Variants in LRRC27 observed in about 807,000 individuals in gnomAD.
LRRC27 encodes the protein leucine rich repeat containing 27, also known as leucine-rich repeat-containing protein 27.
In LRRC27, 57 loss-of-function variants were observed where a neutral mutation model predicts 55.0. The observed-to-expected ratio is 1.04, with a 90% CI of 0.84 to 1.29. The LOEUF (loss-of-function observed/expected upper bound fraction) is 1.29, where lower values mean the gene tolerates loss of function less well. Ranked by LOEUF, LRRC27 falls within the 50% of genes most tolerant of loss-of-function variation. The pLI is 0.00. For synonymous variants in LRRC27, 278 were observed against 251.9 expected (o/e 1.10, Z -0.98); for missense variants, 721 against 651.5 (o/e 1.11, Z -1.16).
In LRRC27 at chr10:132,375,121, A is replaced by C; in HGVS notation, c.1472A>C (p.Lys491Thr). The change falls in exon 11 of 11, where the codon AAA becomes ACA. Residue 491 changes from lysine to threonine, a missense_variant. Physicochemically the swap from Lys to Thr is moderately conservative, Grantham distance 78. Coordinates refer to ENST00000368614, the MANE Select transcript of LRRC27 (RefSeq NM_030626.3). ...CTAAAATTGGGATTAACCTTGAACAAAGATCGTCGACGGGCGGCCCTCACT... is the reference window on the plus strand; with the variant it reads ...CTAAAATTGGGATTAACCTTGAACACAGATCGTCGACGGGCGGCCCTCACT... ...LKLKLGLTLN[K>T]DRRRAALTGN... The C allele has an allele frequency of 6.2e-7, 1 of 1,614,138 alleles. No individual in the cohort carries two copies. Among genetic ancestry groups the C allele is most frequent in the Non-Finnish European group, 8.5e-7 (1 of 1,180,016 alleles).
chr10:132,349,076 C>CGTGTGTGTGCCTGCATGTG, intron 6 of LRRC27: 8 of 1,537,132 alleles, frequency 5.2e-6, no homozygotes, highest in Non-Finnish European at 7.2e-6. Context: ...CTGTGGTGTG[C>CGTGTGTGTGCCTGCATGTG]GTGTGTGTGC....
At chr10:132,347,567 G>C (rs545063009) in intron 5 of LRRC27, among the ~76,000 whole-genome samples, 1 of 151,642 alleles carries the variant, frequency 6.6e-6, no homozygotes, top group Non-Finnish European at 1.5e-5. Context: ...TGAGAGTCAG[G>C]TGTGCTCGGT....
At chr10:132,335,345 G>A (rs2067063352) in intron 2 of LRRC27, 1 of 152,200 alleles carries the variant, frequency 6.6e-6, no homozygotes, top group South Asian at 2.1e-4. Context: ...TAGGGCACAG[G>A]TTCCTCCCCC....
Position 132,380,743 on chromosome 10 carries a change from A to C in LRRC27, c.*5501A>C, listed in dbSNP as rs1473294693. Among the ~76,000 whole-genome samples, 1 of 152,238 alleles carries C rather than the reference A, an allele frequency of 6.6e-6. No homozygotes were observed. The highest frequency in any genetic ancestry group is 2.4e-5 in the African/African-American group (1 of 41,466). ...AACCTTGAAGAACACTTTGGGACCC[A>C]TAGAGTGCCACCAGTCATGCCAAAG... On this transcript the variant is annotated 3_prime_UTR_variant, in exon 11 of 11. Transcript: ENST00000368614.
intron 7 of LRRC27, among the ~76,000 whole-genome samples, chr10:132,354,940 C>A (rs768209418): frequency 4.0e-4 from 61 of 152,204 alleles, no homozygotes; most frequent in Non-Finnish European, 7.1e-4. Flanking sequence ...TCCACCCCAG[C>A]CACACGCGAG....
intron 3 of LRRC27, among the ~76,000 whole-genome samples, chr10:132,339,015 A>G (rs1446347617): frequency 6.6e-6 from 1 of 152,106 alleles, no homozygotes; most frequent in East Asian, 1.9e-4. Flanking sequence ...CGGCTACCTG[A>G]ACCTCTTTTG....
intron 3 of LRRC27, among the ~76,000 whole-genome samples, chr10:132,339,385 C>G (rs78162592): frequency 1.3e-5 from 2 of 152,206 alleles, no homozygotes; most frequent in Non-Finnish European, 2.9e-5. Flanking sequence ...TCAGGCTCTG[C>G]GAGGAAGCTG....
rs1424050779 is a variant in LRRC27 at position 132,336,649 on chromosome 10, G to A, written c.211-916G>A. 4.0e-5 allele frequency: 26 copies of A among 652,280 alleles called. No homozygotes were observed. In the Middle Eastern group the frequency reaches 2.6e-3, roughly 66 times the overall value. The allele number at this position is 652,280 out of a possible 1,614,324, so 40.4% of individuals were successfully genotyped here. ...CTTTAGTGCTTGCCCACATTGCCCCGTCTCACAGATGAGGACACTGGAGCA... is the reference window on the plus strand; with the variant it reads ...CTTTAGTGCTTGCCCACATTGCCCCATCTCACAGATGAGGACACTGGAGCA... On this transcript the variant is annotated intron_variant, in intron 2 of 10. Coordinates refer to ENST00000368614, the MANE Select transcript of LRRC27 (RefSeq NM_030626.3).
chr10:132,368,930 G>A (rs74792508), intron 10 of LRRC27, among the ~76,000 whole-genome samples: 2,163 of 152,236 alleles, frequency 0.014, 30 homozygotes, highest in Non-Finnish European at 0.023. Flanking sequence ...AAAATATACC[G>A]AGAACTCTGA....
chr10:132,358,218 C>T (rs2068395860), intron 8 of LRRC27, among the ~76,000 whole-genome samples: 1 of 152,244 alleles, frequency 6.6e-6, no homozygotes, highest in Non-Finnish European at 1.5e-5. Flanking sequence ...ACCGTAAATA[C>T]ATGAAAAGAT....
In LRRC27 at chr10:132,364,415, G is replaced by GCACTCACACCCACCCA. The variant is rs1377624577; in HGVS notation, c.1290-1008_1290-1007insACTCACACCCACCCAC. ...CACCCTTACATCTACCTCCACACCC[G>GCACTCACACCCACCCA]CGCTTACACCCACGCTTACATCTAC... On this transcript the variant is annotated intron_variant, in intron 9 of 10. Transcript: ENST00000368614. 1.6e-3 allele frequency among the ~76,000 whole-genome samples: 11 copies of GCACTCACACCCACCCA among 6,992 alleles called. 2 individuals are homozygous for GCACTCACACCCACCCA. Among genetic ancestry groups the GCACTCACACCCACCCA allele is most frequent in the African/African-American group, 2.6e-3 (6 of 2,286 alleles). 4.6% of individuals were successfully genotyped at this position (6,992 alleles called of 152,430 possible).
intron 8 of LRRC27, among the ~76,000 whole-genome samples, chr10:132,358,701 A>G (rs186402277): frequency 0.15 from 1,255 of 8,324 alleles, 4 homozygotes; most frequent in Middle Eastern, 0.25. Context: ...CCGAGGTGGT[A>G]GAGCAGTGTG....
intron 5 of LRRC27, among the ~76,000 whole-genome samples, chr10:132,346,938 C>T (rs866486849): frequency 3.3e-5 from 5 of 152,214 alleles, no homozygotes; most frequent in South Asian, 2.1e-4. Context: ...CAGCCAGGGG[C>T]GTGATGTCCA....
intron 9 of LRRC27, among the ~76,000 whole-genome samples, chr10:132,364,562 C>T (rs1210109122): frequency 1.3e-5 from 1 of 76,474 alleles, no homozygotes; most frequent in African/African-American, 4.9e-5. Flanking sequence ...CCCACACTTA[C>T]ACCCACGTCC....
chr10:132,337,476 T>C (rs547996057), intron 2 of LRRC27, 89 bp from the exon 3 acceptor site: 10 of 1,545,964 alleles, frequency 6.5e-6, no homozygotes, highest in South Asian at 2.4e-5. Context: ...TGGTTGTTAG[T>C]AGTTCTTTTG....
chr10:132,347,347 G>C (rs538497386), intron 5 of LRRC27, among the ~76,000 whole-genome samples: 10 of 149,368 alleles, frequency 6.7e-5, no homozygotes, highest in African/African-American at 2.5e-4. Flanking sequence ...CGCGTGTCCG[G>C]TGGGGCCCGT....
At chr10:132,365,369 C>T in intron 9 of LRRC27, 55 bp from the exon 10 acceptor site, 1 of 1,602,324 alleles carries the variant, frequency 6.2e-7, no homozygotes, top group South Asian at 1.1e-5. Context: ...GCGGGAGTTG[C>T]TAGGATGAGA....
In LRRC27 at chr10:132,348,840, A is replaced by G; in HGVS notation, c.926+484A>G. ...GGGGGAAAGGTCAGTTATGCAGAAAATAAATGGCAGCTGCCTGGGGACAAA... is the reference window on the plus strand; with the variant it reads ...GGGGGAAAGGTCAGTTATGCAGAAAGTAAATGGCAGCTGCCTGGGGACAAA... On this transcript the variant is annotated intron_variant, in intron 6 of 10. Coordinates refer to ENST00000368614, the MANE Select transcript of LRRC27 (RefSeq NM_030626.3). This position sits in a 1 kb window ranked among gnomAD's most constrained non-coding sequence, Gnocchi z 4.2. 1 of 668,878 alleles carries G rather than the reference A, an allele frequency of 1.5e-6. No individual in the cohort carries two copies. Among genetic ancestry groups the G allele is most frequent in the Non-Finnish European group, 2.6e-6 (1 of 383,332 alleles). 41.4% of individuals were successfully genotyped at this position (668,878 alleles called of 1,614,324 possible).
chr10:132,353,278 T>C, intron 7 of LRRC27: 1 of 1,238,446 alleles, frequency 8.1e-7, no homozygotes, highest in Non-Finnish European at 1.0e-6. Flanking sequence ...CGACAATCTC[T>C]CCTTCCCTGG....
Sources: gnomAD v4.1 joint callset for allele counts (sites outside exome capture counted in the v4.1 genomes callset) on GRCh38, gnomAD v4.1.1 for gene constraint, Gnocchi (gnomAD v3.1) non-coding constraint, MANE v1.5 for transcripts, NCBI Gene and HGNC (gene_info 2026-07-23, HGNC 2026-07-21) for gene names.